Variants in PKP2 observed in about 807,000 individuals in gnomAD.
PKP2 encodes plakophilin-2.
Under a neutral mutation model 83.4 loss-of-function variants are expected in PKP2, and 73 were observed. The ratio of observed to expected loss-of-function variants is 0.88; its 90% CI spans 0.72 to 1.06. The LOEUF (loss-of-function observed/expected upper bound fraction) is 1.06, where lower values mean the gene tolerates loss of function less well. PKP2 is among the 50% of genes least tolerant of loss of function. The pLI is 0.00. For synonymous variants in PKP2, 409 were observed against 430.4 expected (o/e 0.95, Z 0.62); for missense variants, 966 against 1,065.4 (o/e 0.91, Z 1.30).
chr12:32,862,728 T>C (rs1956811611), intron 4 of PKP2, among the ~76,000 whole-genome samples: 1 of 151,966 alleles, frequency 6.6e-6, no homozygotes, highest in Non-Finnish European at 1.5e-5. Context: ...CTTTGGGAGG[T>C]AGATCACTTC....
At chr12:32,840,708 AAC>A (rs1340559166) in intron 6 of PKP2, among the ~76,000 whole-genome samples, 1 of 152,156 alleles carries the variant, frequency 6.6e-6, no homozygotes, top group East Asian at 1.9e-4. Context: ...AGATAAAATA[AAC>A]ATCTTATCAT....
Position 32,822,394 on chromosome 12 carries a change from T to C in PKP2, c.1839+73A>G, listed in dbSNP as rs1956388502. Reference sequence around the variant, plus strand: ...CCGATATATACCAAGTACTTAGACATACACATATACACAAACACACACTCT... The same window carrying C: ...CCGATATATACCAAGTACTTAGACACACACATATACACAAACACACACTCT... On this transcript the variant is annotated intron_variant, in intron 8 of 12. Transcript: ENST00000340811. 6 of 1,259,368 alleles carry C rather than the reference T, an allele frequency of 4.8e-6. No individual in the cohort carries two copies. The Admixed American group carries it at 5.1e-5, about 11-fold the overall frequency. The allele number at this position is 1,259,368 out of a possible 1,614,324, so 78.0% of individuals were successfully genotyped here.
intron 4 of PKP2, among the ~76,000 whole-genome samples, chr12:32,856,415 TA>T (rs2137880919): frequency 6.6e-6 from 1 of 151,710 alleles, no homozygotes; most frequent in African/African-American, 2.4e-5. Context: ...TATCTCTGAG[TA>T]GGGAGGGAAA....
intron 3 of PKP2, among the ~76,000 whole-genome samples, chr12:32,871,625 C>A (rs1477657268): frequency 1.3e-5 from 2 of 152,070 alleles, no homozygotes; most frequent in Admixed American, 1.3e-4. Context: ...ACCACCACGC[C>A]CGGCTAATTT....
At chr12:32,819,885 A>AACCCC (rs1956360247) in intron 9 of PKP2, among the ~76,000 whole-genome samples, 1 of 145,630 alleles carries the variant, frequency 6.9e-6, no homozygotes. Context: ...CGCACACACA[A>AACCCC]CCCCCCCCCC....
At chr12:32,812,003 C>T (rs530776073) in intron 9 of PKP2, among the ~76,000 whole-genome samples, 2 of 152,206 alleles carry the variant, frequency 1.3e-5, no homozygotes, top group African/African-American at 4.8e-5. Flanking sequence ...ATCAGCATGC[C>T]TGGCCTGCAC....
chr12:32,821,981 T>A (rs957980843), intron 8 of PKP2, among the ~76,000 whole-genome samples: 1 of 152,214 alleles, frequency 6.6e-6, no homozygotes, highest in South Asian at 2.1e-4. Flanking sequence ...GAGGGGAGGT[T>A]ACATTCTCTT....
At chr12:32,800,681 A>C (rs1206268890) in intron 10 of PKP2, among the ~76,000 whole-genome samples, 2 of 152,222 alleles carry the variant, frequency 1.3e-5, no homozygotes, top group African/African-American at 4.8e-5. Flanking sequence ...ATTGTATTGC[A>C]GTACTGCGCA....
At position 32,878,393 on chromosome 12, in the gene PKP2, G is replaced by T. The variant is rs1006488583; in HGVS notation, c.487C>A (p.His163Asn). ...CTCTGGCTGTACTGGTAATCGCTGT[G>T]CGTGTAGTGAGCCCTCTCCGGGCTG... ...DSSPERAHYT[H>N]SDYQYSQRSQ... Residue 163 changes from histidine (H) to asparagine (N), a missense_variant, in exon 3 of 13, where the codon CAC (histidine) becomes AAC (asparagine). Transcript: ENST00000340811. The T allele has an allele frequency of 8.1e-6, 13 of 1,614,056 alleles. No individual in the cohort carries two copies. Among genetic ancestry groups the T allele is most frequent in the Non-Finnish European group, 1.0e-5 (12 of 1,179,998 alleles).
chr12:32,890,816 T>C (rs1198565400), intron 1 of PKP2, among the ~76,000 whole-genome samples: 1 of 151,856 alleles, frequency 6.6e-6, no homozygotes, highest in African/African-American at 2.4e-5. Context: ...AAAAATTAGC[T>C]GGGCTTGGTG....
At chr12:32,828,577 C>T (rs78012925) in intron 6 of PKP2, among the ~76,000 whole-genome samples, 1 of 152,268 alleles carries the variant, frequency 6.6e-6, no homozygotes, top group East Asian at 1.9e-4. Context: ...GAAATTCTGA[C>T]CTGTGATTCT....
intron 11 of PKP2, chr12:32,792,963 T>C (rs1956085477): frequency 5.8e-6 from 3 of 517,000 alleles, no homozygotes; most frequent in African/African-American, 1.9e-5. Flanking sequence ...AAATAAATAG[T>C]TTATAGGCCA....
intron 6 of PKP2, among the ~76,000 whole-genome samples, chr12:32,837,452 C>A (rs1956553573): frequency 6.6e-6 from 1 of 152,128 alleles, no homozygotes; most frequent in South Asian, 2.1e-4. Context: ...GCATTTAGAG[C>A]AGTTTCTAGA....
intron 6 of PKP2, among the ~76,000 whole-genome samples, chr12:32,836,134 T>C (rs1419343306): frequency 6.6e-6 from 1 of 152,208 alleles, no homozygotes; most frequent in Non-Finnish European, 1.5e-5. Context: ...TAGTGTAGTA[T>C]TACTTAAGAA....
At chr12:32,828,945 T>A (rs1384700182) in intron 6 of PKP2, among the ~76,000 whole-genome samples, 2 of 152,148 alleles carry the variant, frequency 1.3e-5, no homozygotes, top group Non-Finnish European at 2.9e-5. Flanking sequence ...TTTGTTTTGT[T>A]TTGTTTTTTT....
At chr12:32,821,135 T>G (rs1956371186) in intron 9 of PKP2, 8 of 544,684 alleles carry the variant, frequency 1.5e-5, no homozygotes, top group Non-Finnish European at 2.0e-5. Context: ...GGCAGGATTC[T>G]GAGATCTGTA....
intron 3 of PKP2, 145 bp from the exon 4 acceptor site, chr12:32,869,207 G>C (rs1252836033): frequency 1.1e-6 from 1 of 893,724 alleles, no homozygotes; most frequent in Non-Finnish European, 1.8e-6. Context: ...AGAAAAATCA[G>C]CACCCAAGAT....
intron 9 of PKP2, among the ~76,000 whole-genome samples, chr12:32,812,669 A>AT (rs1311471301): frequency 6.6e-6 from 1 of 151,870 alleles, no homozygotes; most frequent in Non-Finnish European, 1.5e-5. Context: ...TGCCTGGCTA[A>AT]TTTTTTGTAT....
intron 10 of PKP2, among the ~76,000 whole-genome samples, chr12:32,801,740 T>C (rs998030801): frequency 4.6e-5 from 7 of 152,190 alleles, no homozygotes; most frequent in Non-Finnish European, 7.3e-5. Context: ...ATTTTGTAAT[T>C]TTCTACTAGA....
Sources: gnomAD v4.1 joint callset for allele counts (sites outside exome capture counted in the v4.1 genomes callset) on GRCh38, gnomAD v4.1.1 for gene constraint, MANE v1.5 for transcripts, NCBI Gene and HGNC (gene_info 2026-07-23, HGNC 2026-07-21) for gene names.